FAM83B: variants seen among roughly 807,000 people sequenced by gnomAD.
The protein encoded by FAM83B is scaffolding CK1 anchoring protein B, also known as protein FAM83B.
Under a neutral mutation model 38.8 loss-of-function variants are expected in FAM83B, and 26 were observed. The observed-to-expected ratio is 0.67, with a 90% CI of 0.49 to 0.93. FAM83B has a LOEUF of 0.93. FAM83B is among the 40% of genes least tolerant of loss of function. The pLI is 0.00. For missense variants in FAM83B, 1,237 were observed against 1,197.3 expected (o/e 1.03, Z -0.49); for synonymous variants, 419 against 423.1 (o/e 0.99, Z 0.12).
At chr6:54,919,086 T>C (rs1773110264) in intron 2 of FAM83B, among the ~76,000 whole-genome samples, 1 of 152,128 alleles carries the variant, frequency 6.6e-6, no homozygotes, top group South Asian at 2.1e-4. Flanking sequence ...TTTCAGGAAG[T>C]ACTGAGGAAG....
At position 54,926,437 on chromosome 6, in the gene FAM83B, A is replaced by C. The variant is rs748896433; in HGVS notation, c.511A>C (p.Thr171Pro). 6 of 1,609,834 alleles carry C rather than the reference A, an allele frequency of 3.7e-6. No homozygotes were observed. The African/African-American group carries it at 6.7e-5, about 18-fold the overall frequency. The change falls in exon 3 of 5, where the codon ACT (threonine) becomes CCT (proline). Residue 171 changes from threonine (T) to proline (P), a missense_variant. By Grantham distance (38) the Thr-to-Pro change is conservative. Coordinates refer to ENST00000306858, the MANE Select transcript of FAM83B (RefSeq NM_001010872.3). ...TTTCAAAGAAATCGTTGAGGCATCA[A>C]CTCGAGGAGTATCTGTTTACATTCT... ...DIFKEIVEAS[T>P]RGVSVYILLD...
chr6:54,890,126 C>T (rs527625233), intron 2 of FAM83B, among the ~76,000 whole-genome samples: 1 of 151,946 alleles, frequency 6.6e-6, no homozygotes, highest in East Asian at 1.9e-4. Flanking sequence ...TATTGTAGAA[C>T]ACATAGGTTT....
chr6:54,876,278 C>CATATATATATATATATATAT (rs3996949), intron 2 of FAM83B, among the ~76,000 whole-genome samples: 1 of 96,198 alleles, frequency 1.0e-5, no homozygotes, highest in Non-Finnish European at 2.0e-5. Context: ...TTTAGGAGTG[C>CATATATATATATATATATAT]ATATATATAT....
At chr6:54,916,733 T>A (rs1459282173) in intron 2 of FAM83B, among the ~76,000 whole-genome samples, 1 of 152,200 alleles carries the variant, frequency 6.6e-6, no homozygotes, top group Non-Finnish European at 1.5e-5. Context: ...TGCTTTTCGA[T>A]ACCCCTCCTC....
intron 2 of FAM83B, among the ~76,000 whole-genome samples, chr6:54,893,244 T>C (rs1179212908): frequency 2.0e-5 from 3 of 152,192 alleles, no homozygotes; most frequent in Non-Finnish European, 2.9e-5. Context: ...AATAGATAAC[T>C]AATACAGTAT....
At chr6:54,894,155 T>C (rs1246177577) in intron 2 of FAM83B, among the ~76,000 whole-genome samples, 28 of 152,226 alleles carry the variant, frequency 1.8e-4, no homozygotes, top group Non-Finnish European at 8.8e-5. Context: ...TTTAAGTATG[T>C]CTTTTGTGCT....
At chr6:54,879,405 T>A (rs1043510945) in intron 2 of FAM83B, among the ~76,000 whole-genome samples, 3 of 152,156 alleles carry the variant, frequency 2.0e-5, no homozygotes, top group African/African-American at 7.2e-5. Context: ...CTCCCAACAC[T>A]TAGTCTTTTC....
At chr6:54,896,651 C>T (rs1309069571) in intron 2 of FAM83B, among the ~76,000 whole-genome samples, 2 of 152,198 alleles carry the variant, frequency 1.3e-5, no homozygotes, top group African/African-American at 2.4e-5. Flanking sequence ...AATATGGCCA[C>T]TGCCACTCTC....
At chr6:54,927,386 T>G in intron 3 of FAM83B, 122 bp from the exon 4 acceptor site, 1 of 693,074 alleles carries the variant, frequency 1.4e-6, no homozygotes, top group Middle Eastern at 4.8e-4. Flanking sequence ...TTTGGGAGTT[T>G]TTTTTTTAAT....
chr6:54,921,645 A>G (rs1304801593), intron 2 of FAM83B, among the ~76,000 whole-genome samples: 1 of 152,038 alleles, frequency 6.6e-6, no homozygotes. Context: ...ATATAATGTC[A>G]TGGTAGTTTA....
At position 54,942,985 on chromosome 6, in the gene FAM83B, C is replaced by G. The variant is rs762778801; in HGVS notation, c.*978C>G. Among the ~76,000 whole-genome samples the G allele has an allele frequency of 2.6e-5, 4 of 151,848 alleles. No homozygotes were observed. The highest frequency in any genetic ancestry group is 4.1e-4 in the South Asian group (2 of 4,822). On this transcript the variant is annotated 3_prime_UTR_variant, in exon 5 of 5. Coordinates refer to ENST00000306858, the MANE Select transcript of FAM83B (RefSeq NM_001010872.3). ...TGGCGCAATCTTGGCTCACTGCAAC[C>G]TCTGCCTCCCAAGTTCAAACGATTC...
At chr6:54,882,934 A>G (rs1490167859) in intron 2 of FAM83B, among the ~76,000 whole-genome samples, 1 of 151,754 alleles carries the variant, frequency 6.6e-6, no homozygotes, top group Non-Finnish European at 1.5e-5. Context: ...TTGTCACTTT[A>G]TTTTTTTATT....
chr6:54,897,024 A>G (rs752192824), intron 2 of FAM83B, among the ~76,000 whole-genome samples: 4 of 152,212 alleles, frequency 2.6e-5, no homozygotes, highest in Non-Finnish European at 5.9e-5. Context: ...CCATCCTGTT[A>G]GTATTTAGCT....
At position 54,944,966 on chromosome 6, in the gene FAM83B, C is replaced by A. The variant is rs143975019; in HGVS notation, c.*2959C>A. The A allele has an allele frequency of 6.6e-6, 1 of 152,110 alleles. No homozygotes were observed. Among genetic ancestry groups the A allele is most frequent in the Non-Finnish European group, 1.5e-5 (1 of 68,018 alleles). 9.4% of individuals were successfully genotyped at this position (152,110 alleles called of 1,614,324 possible). On this transcript the variant is annotated 3_prime_UTR_variant, in exon 5 of 5. Coordinates refer to ENST00000306858, the MANE Select transcript of FAM83B (RefSeq NM_001010872.3). ...CTGGACTCCAAGTCCTGGGCTCAAA[C>A]GATCCTCCAGCCTCAGGTTCCTGAG... is the stretch of plus-strand genomic sequence containing the variant.
At chr6:54,906,931 A>T (rs1350012981) in intron 2 of FAM83B, among the ~76,000 whole-genome samples, 1 of 152,144 alleles carries the variant, frequency 6.6e-6, no homozygotes, top group Non-Finnish European at 1.5e-5. Context: ...ATATTTGTGA[A>T]CCCTTTTGGT....
chr6:54,874,936 T>C (rs538821014), intron 2 of FAM83B, among the ~76,000 whole-genome samples: 1 of 152,210 alleles, frequency 6.6e-6, no homozygotes, highest in South Asian at 2.1e-4. Flanking sequence ...ATTAGTAATA[T>C]AGAGAAATAT....
intron 2 of FAM83B, among the ~76,000 whole-genome samples, chr6:54,892,223 C>T (rs1476346411): frequency 6.6e-6 from 1 of 152,122 alleles, no homozygotes; most frequent in Non-Finnish European, 1.5e-5. Context: ...CAACAACCTG[C>T]CTTTCTAGAT....
At chr6:54,874,779 A>G (rs1771952612) in intron 2 of FAM83B, among the ~76,000 whole-genome samples, 1 of 152,098 alleles carries the variant, frequency 6.6e-6, no homozygotes, top group Admixed American at 6.6e-5. Flanking sequence ...GAAATATGGG[A>G]TCAAGACACA....
chr6:54,934,575 G>A (rs1466326535), intron 4 of FAM83B, among the ~76,000 whole-genome samples: 3 of 152,144 alleles, frequency 2.0e-5, no homozygotes, highest in Admixed American at 1.3e-4. Flanking sequence ...TATTCTAGAA[G>A]CAGAATGGGA....
Sources: gnomAD v4.1 joint callset for allele counts (sites outside exome capture counted in the v4.1 genomes callset) on GRCh38, gnomAD v4.1.1 for gene constraint, MANE v1.5 for transcripts, NCBI Gene and HGNC (gene_info 2026-07-23, HGNC 2026-07-21) for gene names.